SLC39A11: variants seen among roughly 807,000 people sequenced by gnomAD.
The protein encoded by SLC39A11 is solute carrier family 39 member 11.
A neutral mutation model predicts 36.1 loss-of-function variants in SLC39A11; 33 were observed. That is an observed-to-expected ratio of 0.91 (90% confidence interval 0.69 to 1.22). The LOEUF is 1.22. SLC39A11 is among the 50% of genes most tolerant of loss of function. The probability of loss-of-function intolerance (pLI) is 0.00; values close to 1 mark genes in which losing one functional copy is unlikely to be tolerated. For synonymous variants in SLC39A11, 166 were observed against 170.3 expected (o/e 0.97, Z 0.20); for missense variants, 432 against 430.3 (o/e 1.00, Z -0.03).
chr17:72,885,169 A>G (rs1359203243), intron 5 of SLC39A11, among the ~76,000 whole-genome samples: 1 of 152,162 alleles, frequency 6.6e-6, no homozygotes, highest in African/African-American at 2.4e-5. Context: ...AAATCAGCTT[A>G]TAGGTTTTCC....
intron 5 of SLC39A11, among the ~76,000 whole-genome samples, chr17:72,874,031 C>T (rs2080776609): frequency 6.6e-6 from 1 of 152,184 alleles, no homozygotes; most frequent in Non-Finnish European, 1.5e-5. Flanking sequence ...CCTCCCCAGG[C>T]ACGCTGAACT....
At chr17:72,730,912 G>A (rs1290865270) in intron 7 of SLC39A11, among the ~76,000 whole-genome samples, 2 of 152,052 alleles carry the variant, frequency 1.3e-5, no homozygotes, top group African/African-American at 2.4e-5. Flanking sequence ...CACCACGTCC[G>A]GCGAATTTTT....
Position 72,724,114 on chromosome 17 carries a change from T to C in SLC39A11, c.671+12536A>G, listed in dbSNP as rs181651912. On this transcript the variant is annotated intron_variant, in intron 7 of 9. Transcript: ENST00000255559. ...ACACTGTCCCTTTTATTTTTTTTTT[T>C]CTGTAAAACGTTGCTCTTATTGGGA... is the stretch of plus-strand genomic sequence containing the variant. Among the ~76,000 whole-genome samples, 215 of 152,164 alleles carry C rather than the reference T, an allele frequency of 1.4e-3. 1 individual carries two copies. Among genetic ancestry groups the C allele is most frequent in the African/African-American group, 4.9e-3 (205 of 41,518 alleles).
intron 7 of SLC39A11, among the ~76,000 whole-genome samples, chr17:72,724,197 G>A (rs2073828065): frequency 6.6e-6 from 1 of 152,044 alleles, no homozygotes; most frequent in African/African-American, 2.4e-5. Flanking sequence ...AGGAAAGAGA[G>A]GGACAGAGGG....
At chr17:73,081,699 A>ATG (rs1229824116) in intron 3 of SLC39A11, among the ~76,000 whole-genome samples, 1 of 147,306 alleles carries the variant, frequency 6.8e-6, no homozygotes, top group African/African-American at 2.5e-5. Context: ...GTATATATGT[A>ATG]TGTATATATA....
intron 3 of SLC39A11, among the ~76,000 whole-genome samples, chr17:73,051,335 C>T (rs2059491474): frequency 6.6e-6 from 1 of 152,102 alleles, no homozygotes. Flanking sequence ...TCCACAAAGA[C>T]CCCATTTCCG....
chr17:72,832,165 G>A (rs1273488183), intron 6 of SLC39A11, among the ~76,000 whole-genome samples: 2 of 152,200 alleles, frequency 1.3e-5, no homozygotes, highest in Non-Finnish European at 2.9e-5. Context: ...AGCCGTGAAT[G>A]AGGATGTGGT....
At chr17:72,760,866 G>T (rs986535100) in intron 6 of SLC39A11, among the ~76,000 whole-genome samples, 25 of 152,188 alleles carry the variant, frequency 1.6e-4, no homozygotes, top group Middle Eastern at 3.4e-3. Flanking sequence ...ACTGGGCAAC[G>T]CCTGGAGGGA....
rs113528672 is a variant in SLC39A11 at position 73,087,043 on chromosome 17, A to G, written c.108+1614T>C. ...TGCACTCCAGCCTGGGTGACAGAGCAAGACTCTGTCTAAAGAAAAAAAAAA... is the reference window on the plus strand; with the variant it reads ...TGCACTCCAGCCTGGGTGACAGAGCGAGACTCTGTCTAAAGAAAAAAAAAA... On this transcript the variant is annotated intron_variant, in intron 2 of 9. Coordinates refer to ENST00000255559, the MANE Select transcript of SLC39A11 (RefSeq NM_139177.4). Among the ~76,000 whole-genome samples the G allele has an allele frequency of 4.4e-3, 665 of 151,900 alleles. 7 individuals carry two copies. The highest frequency in any genetic ancestry group is 0.014 in the African/African-American group (589 of 41,426).
chr17:72,740,078 T>TTTTTTTTTTC, intron 6 of SLC39A11, among the ~76,000 whole-genome samples: 1 of 126,226 alleles, frequency 7.9e-6, no homozygotes, highest in African/African-American at 3.0e-5. Context: ...TTTTTTTTTT[T>TTTTTTTTTTC]TTGAGATGGA....
At chr17:73,038,750 G>A (rs1414058695) in intron 3 of SLC39A11, among the ~76,000 whole-genome samples, 6 of 121,934 alleles carry the variant, frequency 4.9e-5, no homozygotes, top group South Asian at 2.9e-4. Context: ...AAAGGAGGGA[G>A]GAGGGAGGGA....
intron 6 of SLC39A11, among the ~76,000 whole-genome samples, chr17:72,796,367 G>A (rs2076894939): frequency 6.6e-6 from 1 of 152,090 alleles, no homozygotes; most frequent in Non-Finnish European, 1.5e-5. Context: ...CCTGGCTTCT[G>A]CTGGTGGGGT....
At chr17:73,020,683 T>TC (rs1180873648) in intron 4 of SLC39A11, among the ~76,000 whole-genome samples, 1 of 115,502 alleles carries the variant, frequency 8.7e-6, no homozygotes, top group South Asian at 2.9e-4. Context: ...TTTCTTTCTT[T>TC]TTTTTTTTTT....
At chr17:72,663,663 G>A (rs1382204557) in intron 7 of SLC39A11, among the ~76,000 whole-genome samples, 1 of 152,156 alleles carries the variant, frequency 6.6e-6, no homozygotes, top group Non-Finnish European at 1.5e-5. Flanking sequence ...CTCATTTCCT[G>A]CGGACCTGGC....
chr17:72,855,002 T>C (rs773994471), intron 5 of SLC39A11, among the ~76,000 whole-genome samples: 10 of 152,216 alleles, frequency 6.6e-5, no homozygotes, highest in Non-Finnish European at 1.5e-4. Context: ...CAGCAAACCC[T>C]GCTGCCCAGG....
At chr17:72,974,872 T>C (rs1406759902) in intron 4 of SLC39A11, among the ~76,000 whole-genome samples, 1 of 152,192 alleles carries the variant, frequency 6.6e-6, no homozygotes, top group East Asian at 1.9e-4. Context: ...ACCTCTTCTA[T>C]GTTCAGATAC....
At chr17:72,958,569 G>A (rs113246307) in intron 4 of SLC39A11, among the ~76,000 whole-genome samples, 17 of 152,276 alleles carry the variant, frequency 1.1e-4, no homozygotes, top group African/African-American at 4.1e-4. Context: ...AAAAGAAGAT[G>A]GCCCGGCACA....
chr17:72,762,068 T>C (rs1328816071), intron 6 of SLC39A11, among the ~76,000 whole-genome samples: 1 of 152,206 alleles, frequency 6.6e-6, no homozygotes, highest in Admixed American at 6.5e-5. Flanking sequence ...GGAGTCTGGA[T>C]GTGCTGCTGT....
At chr17:72,978,092 G>A (rs1166263571) in intron 4 of SLC39A11, among the ~76,000 whole-genome samples, 1 of 152,236 alleles carries the variant, frequency 6.6e-6, no homozygotes, top group Non-Finnish European at 1.5e-5. Flanking sequence ...GCCTGCGAAC[G>A]CAGGGGAAGT....
Sources: allele counts gnomAD v4.1 joint callset (sites outside exome capture counted in the v4.1 genomes callset), GRCh38; gene constraint gnomAD v4.1.1; transcripts MANE v1.5; gene names NCBI Gene and HGNC (gene_info 2026-07-23, HGNC 2026-07-21).